Variants in GPR161 observed in about 807,000 individuals in gnomAD.
GPR161 encodes the protein G-protein coupled receptor RE2.
In GPR161, 25 loss-of-function variants were observed where a neutral mutation model predicts 39.2. That is an observed-to-expected ratio of 0.64 (90% CI 0.47 to 0.89). The LOEUF (loss-of-function observed/expected upper bound fraction) is 0.89, where lower values mean the gene tolerates loss of function less well. GPR161 is among the 40% of genes least tolerant of loss of function. The pLI is 0.00. For missense variants in GPR161, 547 were observed against 677.8 expected, an observed-to-expected ratio of 0.81 and a Z score of 2.14; for synonymous variants, 286 against 276.6, an observed-to-expected ratio of 1.03 and a Z score of -0.34.
In GPR161 at chr1:168,097,118, C is replaced by T. The variant is rs760929224; in HGVS notation, c.489G>A (p.Leu163=). The change falls in exon 3 of 6, where the codon CTG becomes CTA. Residue 163 remains leucine (L), a synonymous_variant. Coordinates refer to ENST00000682931, the MANE Select transcript of GPR161 (RefSeq NM_001375883.1). Reference sequence around the variant, plus strand: ...CAAACTCCACGGATGACCAACCAAACAGGGGTGGCAGGCAGCCGATGAGCG... The same window carrying T: ...CAAACTCCACGGATGACCAACCAAATAGGGGTGGCAGGCAGCCGATGAGCG... ...LHSLIGCLPP[L]FGWSSVEFDE... is the part of the protein sequence containing the mutation. 1.9e-6 allele frequency: 3 copies of T among 1,613,900 alleles called. No homozygotes were observed. The highest frequency in any genetic ancestry group is 2.5e-6 in the Non-Finnish European group (3 of 1,180,012).
intron 1 of GPR161, 103 bp downstream of exon 1, chr1:168,136,636 C>T: frequency 8.2e-7 from 1 of 1,218,166 alleles, no homozygotes; most frequent in Non-Finnish European, 1.0e-6. Context: ...CCTTCCCGGC[C>T]CGCGCCCTGA....
chr1:168,081,306 C>G lies in GPR161; in HGVS notation c.*4225G>C, dbSNP rs1168735711. ...CTGCTTTTCTGAAAGTCCTTCCTTG[C>G]TGTGCAACAAATATGACAAAATTCC... On this transcript the variant is annotated 3_prime_UTR_variant, in exon 6 of 6. Transcript: ENST00000682931. 2.6e-5 allele frequency: 4 copies of G among 152,286 alleles called. No individual in the cohort carries two copies. The highest frequency in any genetic ancestry group is 5.9e-5 in the Non-Finnish European group (4 of 68,082). 9.4% of individuals were successfully genotyped at this position (152,286 alleles called of 1,614,324 possible).
At chr1:168,136,320 G>T in intron 1 of GPR161, 2 of 1,483,726 alleles carry the variant, frequency 1.3e-6, no homozygotes, top group Non-Finnish European at 1.8e-6. Context: ...TGCCCTGAGC[G>T]GGACGTGGAG....
rs1017736472 is a variant in GPR161, at chr1:168,087,607, C to G, written c.1302G>C (p.Glu434Asp). The part of the protein sequence containing the change: ...PPKRRSSVTF[E>D]DEVEQIKEAA... ...AACCTTTGATTTGTTCCACTTCATC[C>G]TCAAATGTCACCGAGCTCCTTCTCT... Residue 434 changes from glutamate (E) to aspartate (D), a missense_variant, in exon 5 of 6, where the codon GAG becomes GAC. Transcript: ENST00000682931. 5.0e-6 allele frequency: 8 copies of G among 1,614,022 alleles called. No individual in the cohort carries two copies. Among genetic ancestry groups the G allele is most frequent in the Non-Finnish European group, 6.8e-6 (8 of 1,179,990 alleles).
At position 168,104,400 on chromosome 1, in the gene GPR161, A is replaced by G. The variant is rs1352724276; in HGVS notation, c.374+77T>C. The G allele has an allele frequency of 4.1e-6, 5 of 1,234,542 alleles. No homozygotes were observed. The African/African-American group carries it at 7.4e-5, about 18-fold the overall frequency. 76.5% of individuals were successfully genotyped at this position (1,234,542 alleles called of 1,614,324 possible). A position where few individuals can be genotyped will look rare whatever the true frequency, so the allele number is the denominator to read the frequency against. On this transcript the variant is annotated intron_variant, in intron 2 of 5. Coordinates refer to ENST00000682931, the MANE Select transcript of GPR161 (RefSeq NM_001375883.1). ...GCCCCTGACACTCTCCAGGGAACTA[A>G]GGCAGTCAGAGGGACACTGCACCAG...
In GPR161 at chr1:168,084,683, ATAATAACAG is replaced by A. The variant is rs1451731890; in HGVS notation, c.*839_*847del. On this transcript the variant is annotated 3_prime_UTR_variant, in exon 6 of 6. Coordinates refer to ENST00000682931, the MANE Select transcript of GPR161 (RefSeq NM_001375883.1). ...TTCCCATGTGAACAAATTCCCTTCC[ATAATAACAG>A]TTTCTCTATTTCCTGGCTGTGCTTG... is the stretch of plus-strand genomic sequence containing the variant. The A allele has an allele frequency of 5.4e-6, 2 of 372,704 alleles. No homozygotes were observed. The highest frequency in any genetic ancestry group is 4.3e-5 in the African/African-American group (2 of 46,980). The allele number at this position is 372,704 out of a possible 1,614,324, so 23.1% of individuals were successfully genotyped here.
intron 1 of GPR161, chr1:168,136,351 C>A: frequency 1.4e-6 from 2 of 1,472,690 alleles, no homozygotes; most frequent in Non-Finnish European, 1.8e-6. Flanking sequence ...CCAGGGGGCG[C>A]GGCCCGCATC....
intron 1 of GPR161, among the ~76,000 whole-genome samples, chr1:168,115,121 G>A (rs1443688355): frequency 6.6e-6 from 1 of 152,132 alleles, no homozygotes; most frequent in Non-Finnish European, 1.5e-5. Flanking sequence ...TAAAGCAGAG[G>A]ATGAGAGCAC....
At chr1:168,101,871 A>C (rs2102161240) in intron 2 of GPR161, among the ~76,000 whole-genome samples, 1 of 151,880 alleles carries the variant, frequency 6.6e-6, no homozygotes, top group African/African-American at 2.4e-5. Flanking sequence ...CAATGGCATG[A>C]TCTCGGCTCA....
chr1:168,133,238 TAAATA>T (rs1396564100), intron 1 of GPR161, among the ~76,000 whole-genome samples: 1 of 152,182 alleles, frequency 6.6e-6, no homozygotes, highest in African/African-American at 2.4e-5. Context: ...CAAATAACCT[TAAATA>T]AATACAGTAA....
In GPR161 at chr1:168,135,181, C is replaced by T. The variant is rs1006992954; in HGVS notation, c.-45+1558G>A. 20 of 1,081,610 alleles carry T rather than the reference C, an allele frequency of 1.8e-5. No individual in the cohort carries two copies. In the Middle Eastern group the frequency reaches 9.9e-4, roughly 53 times the overall value. 67.0% of individuals were successfully genotyped at this position (1,081,610 alleles called of 1,614,324 possible). ...CAGGGAGAAGCCCTGAGTTAAAGAA[C>T]TCACCTGTGTGCCATCAGGAAACCA... On this transcript the variant is annotated intron_variant, in intron 1 of 5. Coordinates refer to ENST00000682931, the MANE Select transcript of GPR161 (RefSeq NM_001375883.1).
chr1:168,119,243 C>CGTGTATATAT (rs1558129818), intron 1 of GPR161, among the ~76,000 whole-genome samples: 5 of 101,586 alleles, frequency 4.9e-5, no homozygotes, highest in African/African-American at 2.0e-4. Context: ...TATATATATA[C>CGTGTATATAT]ACATATATAT....
intron 2 of GPR161, among the ~76,000 whole-genome samples, chr1:168,103,668 C>T (rs1225261381): frequency 6.6e-6 from 1 of 152,212 alleles, no homozygotes; most frequent in Non-Finnish European, 1.5e-5. Flanking sequence ...TGTGTTTTCC[C>T]TAACCCCACT....
intron 1 of GPR161, among the ~76,000 whole-genome samples, chr1:168,128,271 C>T (rs1029994682): frequency 3.3e-5 from 5 of 152,092 alleles, no homozygotes; most frequent in Admixed American, 6.6e-5. Flanking sequence ...TAATCAAACC[C>T]ACTCCCTACC....
At chr1:168,097,561 A>G (rs754717356) in intron 2 of GPR161, among the ~76,000 whole-genome samples, 19 of 152,218 alleles carry the variant, frequency 1.2e-4, no homozygotes, top group Non-Finnish European at 1.5e-4. Flanking sequence ...GGCCAGATCA[A>G]TTCTGCTGCT....
At chr1:168,126,721 T>C (rs1198913675) in intron 1 of GPR161, among the ~76,000 whole-genome samples, 1 of 152,196 alleles carries the variant, frequency 6.6e-6, no homozygotes, top group Non-Finnish European at 1.5e-5. Context: ...CTCAAACTGA[T>C]GGGATTACAG....
Position 168,136,924 on chromosome 1 carries a change from G to A in GPR161, c.-230C>T. Reference sequence around the variant, plus strand: ...AGCACGCGGACCCGGGCGGGCGCAGGCCAAGTAACTTTGCGGCGCCCGCGC... The same window carrying A: ...AGCACGCGGACCCGGGCGGGCGCAGACCAAGTAACTTTGCGGCGCCCGCGC... On this transcript the variant is annotated 5_prime_UTR_variant, in exon 1 of 6. Transcript: ENST00000682931. 1 of 977,916 alleles carries A rather than the reference G, an allele frequency of 1.0e-6. No homozygotes were observed. 60.6% of individuals were successfully genotyped at this position (977,916 alleles called of 1,614,324 possible). A position where few individuals can be genotyped will look rare whatever the true frequency, so the allele number is the denominator to read the frequency against.
At chr1:168,137,060 C>G (rs1448137857), upstream of GPR161, 7 of 966,178 alleles carry the variant, frequency 7.2e-6, no homozygotes, top group East Asian at 5.5e-4. Flanking sequence ...CGCCCCTCCC[C>G]ACCCGCGCCC....
In GPR161 at chr1:168,119,491, C is replaced by T. The variant is rs917828649; in HGVS notation, c.-44-14597G>A. On this transcript the variant is annotated intron_variant, in intron 1 of 5. Transcript: ENST00000682931. ...AAAGACAAAGTAGAATGGTGGTTGC[C>T]AGGAGCTGGATGGAGGGCAGAATGG... 1.1e-4 allele frequency among the ~76,000 whole-genome samples: 17 copies of T among 151,598 alleles called. No homozygotes were observed. The East Asian group carries it at 2.9e-3, about 26-fold the overall frequency.
Sources: allele counts gnomAD v4.1 joint callset (sites outside exome capture counted in the v4.1 genomes callset), GRCh38; gene constraint gnomAD v4.1.1; transcripts MANE v1.5; gene names NCBI Gene and HGNC (gene_info 2026-07-23, HGNC 2026-07-21).